Variants in ITGA9 observed in about 807,000 individuals in gnomAD.
ITGA9 encodes the protein integrin alpha-9.
A neutral mutation model predicts 127.8 loss-of-function variants in ITGA9; 56 were observed. That is an observed-to-expected ratio of 0.44 (90% CI 0.35 to 0.55). The LOEUF is 0.55. Ranked by LOEUF, ITGA9 falls within the 20% of genes least tolerant of loss-of-function variation. The pLI is 0.00. For missense variants in ITGA9, 1,196 were observed against 1,347.1 expected (o/e 0.89, Z 1.76); for synonymous variants, 508 against 514.5 (o/e 0.99, Z 0.17).
At chr3:37,530,128 A>G (rs754423866) in intron 13 of ITGA9, among the ~76,000 whole-genome samples, 4 of 152,208 alleles carry the variant, frequency 2.6e-5, no homozygotes, top group Non-Finnish European at 5.9e-5. Flanking sequence ...TGGGGCAGGC[A>G]AAGGGGTTGC....
rs1381998739 is a variant in ITGA9 at position 37,597,336 on chromosome 3, C to A, written c.1690-31851C>A. ...AGGGTTAAGGGTGTGCAAGAGAGTG[C>A]AATCAGTATTGCATTTCAGCAGATC... On this transcript the variant is annotated intron_variant, in intron 15 of 27. Transcript: ENST00000264741. The surrounding 1 kb of genome is among the most constrained non-coding windows in gnomAD (Gnocchi z 4.6). 6.6e-6 allele frequency among the ~76,000 whole-genome samples: 1 copy of A among 152,076 alleles called. No homozygotes were observed. The highest frequency in any genetic ancestry group is 1.9e-4 in the East Asian group (1 of 5,182).
rs77599613 is a variant in ITGA9, at chr3:37,766,127, C to T, written c.2542-11265C>T. 3.4e-3 allele frequency among the ~76,000 whole-genome samples: 524 copies of T among 152,360 alleles called. 3 individuals are homozygous for T. Among genetic ancestry groups the T allele is most frequent in the African/African-American group, 0.012 (484 of 41,588 alleles). On this transcript the variant is annotated intron_variant, in intron 23 of 27. Transcript: ENST00000264741. ...CTCACTGAGGATAAACAGGGCTCAT[C>T]GGCCATTGCCGAGAAACACATGGTT...
intron 18 of ITGA9, among the ~76,000 whole-genome samples, chr3:37,719,985 G>A (rs948345870): frequency 3.3e-5 from 5 of 152,302 alleles, no homozygotes; most frequent in African/African-American, 4.8e-5. Context: ...GGTGGTCTTC[G>A]TGGGGTGAAT....
chr3:37,614,990 T>A (rs2125627914), intron 15 of ITGA9, among the ~76,000 whole-genome samples: 1 of 152,318 alleles, frequency 6.6e-6, no homozygotes, highest in Non-Finnish European at 1.5e-5. Flanking sequence ...TGGCCAGAAC[T>A]TCCAACACTA....
intron 15 of ITGA9, among the ~76,000 whole-genome samples, chr3:37,568,530 C>G (rs1390047837): frequency 2.6e-5 from 4 of 152,184 alleles, no homozygotes; most frequent in African/African-American, 9.7e-5. Flanking sequence ...CACAAATTTT[C>G]CAAACTTTAA....
intron 26 of ITGA9, among the ~76,000 whole-genome samples, chr3:37,802,916 G>A (rs548414851): frequency 6.6e-6 from 1 of 152,324 alleles, no homozygotes; most frequent in Admixed American, 6.5e-5. Context: ...GGGAAAACTT[G>A]CCTCATTGGA....
At chr3:37,467,807 C>T (rs1375378634) in intron 1 of ITGA9, among the ~76,000 whole-genome samples, 1 of 152,124 alleles carries the variant, frequency 6.6e-6, no homozygotes, top group African/African-American at 2.4e-5. Flanking sequence ...TAGAACCTGA[C>T]CTGTGGAAAG....
chr3:37,560,237 T>G (rs1360526866), intron 15 of ITGA9, among the ~76,000 whole-genome samples: 1 of 152,116 alleles, frequency 6.6e-6, no homozygotes, highest in Non-Finnish European at 1.5e-5. Context: ...TTGCTGAGAA[T>G]GATGGTTTTC....
intron 23 of ITGA9, among the ~76,000 whole-genome samples, chr3:37,765,979 A>T (rs988736094): frequency 2.0e-5 from 3 of 152,220 alleles, no homozygotes; most frequent in Non-Finnish European, 1.5e-5. Context: ...GGTCTGCTAC[A>T]TGAATAGGCG....
intron 3 of ITGA9, among the ~76,000 whole-genome samples, chr3:37,480,779 C>A (rs929059740): frequency 6.6e-6 from 1 of 152,180 alleles, no homozygotes; most frequent in Non-Finnish European, 1.5e-5. Context: ...TCTGAAGCCA[C>A]CCCCGTCGCC....
At chr3:37,667,392 A>G (rs1435555697) in intron 17 of ITGA9, among the ~76,000 whole-genome samples, 3 of 152,188 alleles carry the variant, frequency 2.0e-5, no homozygotes, top group Non-Finnish European at 4.4e-5. Context: ...CAGCAAACCT[A>G]TGAACCATGT....
intron 15 of ITGA9, among the ~76,000 whole-genome samples, chr3:37,572,629 C>T (rs1358401408): frequency 6.6e-6 from 1 of 152,218 alleles, no homozygotes; most frequent in Non-Finnish European, 1.5e-5. Flanking sequence ...TTAGTTCTTA[C>T]TGTAAGACTG....
intron 15 of ITGA9, among the ~76,000 whole-genome samples, chr3:37,594,764 G>A (rs1486012225): frequency 4.6e-5 from 7 of 152,174 alleles, no homozygotes; most frequent in Admixed American, 4.6e-4. Flanking sequence ...CACTTAATAA[G>A]TGCCATATGG....
intron 18 of ITGA9, among the ~76,000 whole-genome samples, chr3:37,703,109 C>T (rs1320707470): frequency 6.6e-6 from 1 of 152,168 alleles, no homozygotes; most frequent in Non-Finnish European, 1.5e-5. Context: ...TCTAACCAGA[C>T]CTAAAACAGA....
chr3:37,786,615 CA>C lies in ITGA9; in HGVS notation c.2889+1550del, dbSNP rs879838996. On this transcript the variant is annotated intron_variant, in intron 26 of 27. Transcript: ENST00000264741. ...CTCAAAAAAACAAAAAACAAACAAA[CA>C]AAAAAAAAAAAACCAATAGTAATAA... Among the ~76,000 whole-genome samples, 208 of 59,256 alleles carry C rather than the reference CA, an allele frequency of 3.5e-3. 2 individuals carry two copies. The East Asian group carries it at 0.062, about 18-fold the overall frequency. The allele number at this position is 59,256 out of a possible 152,430, so 38.9% of individuals were successfully genotyped here.
At chr3:37,731,593 A>G (rs1696293319) in intron 18 of ITGA9, among the ~76,000 whole-genome samples, 1 of 152,194 alleles carries the variant, frequency 6.6e-6, no homozygotes, top group Non-Finnish European at 1.5e-5. Context: ...TTGATGTTTA[A>G]CAAACAAACA....
Position 37,823,276 on chromosome 3 carries a change from C to T in ITGA9, c.*4287C>T, listed in dbSNP as rs1239618687. On this transcript the variant is annotated 3_prime_UTR_variant, in exon 28 of 28. Transcript: ENST00000264741. The stretch of plus-strand genomic sequence containing the variant: ...TGGCAGAGTGAGTTTAAAAGCTTTA[C>T]GAGTGATTAATTGCTTGGCAGGCAC... 1 of 152,168 alleles carries T rather than the reference C, an allele frequency of 6.6e-6. No individual in the cohort carries two copies. The highest frequency in any genetic ancestry group is 2.1e-4 in the South Asian group (1 of 4,828). 9.4% of individuals were successfully genotyped at this position (152,168 alleles called of 1,614,324 possible).
At chr3:37,739,528 C>G (rs972844020) in intron 20 of ITGA9, among the ~76,000 whole-genome samples, 2 of 152,220 alleles carry the variant, frequency 1.3e-5, no homozygotes, top group Non-Finnish European at 2.9e-5. Flanking sequence ...TCCATCACCA[C>G]CCTTTGAAGG....
chr3:37,779,023 G>A (rs571991503), intron 24 of ITGA9, among the ~76,000 whole-genome samples: 1 of 151,906 alleles, frequency 6.6e-6, no homozygotes, highest in African/African-American at 2.4e-5. Flanking sequence ...CATCATCAAG[G>A]TATGTATACG....
Sources: allele counts gnomAD v4.1 joint callset (sites outside exome capture counted in the v4.1 genomes callset), GRCh38; gene constraint gnomAD v4.1.1; non-coding constraint Gnocchi (gnomAD v3.1); transcripts MANE v1.5; gene names NCBI Gene and HGNC (gene_info 2026-07-23, HGNC 2026-07-21).